The following ZNF827 variants were observed in gnomAD, a reference collection of about 807,000 sequenced individuals.
ZNF827 encodes zinc finger protein 827.
In ZNF827, 13 loss-of-function variants were observed where a neutral mutation model predicts 102.4. The ratio of observed to expected loss-of-function variants is 0.13; its 90% confidence interval spans 0.08 to 0.20. The LOEUF (loss-of-function observed/expected upper bound fraction) is 0.20, where lower values mean the gene tolerates loss of function less well. ZNF827 is among the 10% of genes least tolerant of loss of function. The pLI, the probability that ZNF827 is intolerant of heterozygous loss-of-function variation, is 1.00. For missense variants in ZNF827, 1,103 were observed against 1,344.4 expected (o/e 0.82, Z 2.81); for synonymous variants, 523 against 536.2 (o/e 0.98, Z 0.34).
intron 1 of ZNF827, among the ~76,000 whole-genome samples, chr4:145,910,300 G>T (rs1178825958): frequency 1.3e-5 from 2 of 152,160 alleles, no homozygotes; most frequent in Admixed American, 6.5e-5. Context: ...GTCAGTTTCA[G>T]TATTCTTCAT....
intron 8 of ZNF827, among the ~76,000 whole-genome samples, chr4:145,798,502 C>T (rs958794820): frequency 6.6e-6 from 1 of 152,076 alleles, no homozygotes; most frequent in African/African-American, 2.4e-5. Flanking sequence ...CTCGTCTCCA[C>T]TAAAAATACA....
chr4:145,927,892 G>A (rs1753547024), intron 1 of ZNF827, among the ~76,000 whole-genome samples: 1 of 152,216 alleles, frequency 6.6e-6, no homozygotes, highest in Non-Finnish European at 1.5e-5. Flanking sequence ...GTAATGTACT[G>A]TTTTCCGTTT....
chr4:145,878,807 G>A (rs1749415372), intron 4 of ZNF827, among the ~76,000 whole-genome samples: 1 of 151,916 alleles, frequency 6.6e-6, no homozygotes, highest in Admixed American at 6.6e-5. Context: ...GAGCTAGCCA[G>A]ACAGGAGCAT....
At chr4:145,871,906 T>C (rs1214112686) in intron 4 of ZNF827, among the ~76,000 whole-genome samples, 1 of 152,138 alleles carries the variant, frequency 6.6e-6, no homozygotes, top group African/African-American at 2.4e-5. Flanking sequence ...AGAACCTAAG[T>C]CCATGGGCTT....
At chr4:145,850,909 G>A (rs1746464974) in intron 5 of ZNF827, among the ~76,000 whole-genome samples, 1 of 152,296 alleles carries the variant, frequency 6.6e-6, no homozygotes, top group South Asian at 2.1e-4. Context: ...AAAGGTCCTT[G>A]CAGATGTGAT....
intron 4 of ZNF827, among the ~76,000 whole-genome samples, chr4:145,874,267 G>A (rs572826451): frequency 5.3e-5 from 8 of 152,200 alleles, no homozygotes; most frequent in Admixed American, 3.3e-4. Context: ...CATTTGCAAG[G>A]CACTACATAC....
chr4:145,816,831 A>G lies in ZNF827; in HGVS notation c.2383+6591T>C, dbSNP rs878451. Among the ~76,000 whole-genome samples the G allele has an allele frequency of 3.3e-5, 5 of 152,070 alleles. No homozygotes were observed. In the South Asian group the frequency reaches 1.0e-3, roughly 32 times the overall value. On this transcript the variant is annotated intron_variant, in intron 8 of 14. Transcript: ENST00000508784. ...TTTTGGATTTGAAATGCAACAGGAGAAGATATATCAACCTACATGTCATTA... is the reference window on the plus strand; with the variant it reads ...TTTTGGATTTGAAATGCAACAGGAGGAGATATATCAACCTACATGTCATTA...
intron 5 of ZNF827, among the ~76,000 whole-genome samples, chr4:145,855,787 A>T (rs1747036886): frequency 6.6e-6 from 1 of 152,228 alleles, no homozygotes; most frequent in Admixed American, 6.5e-5. Context: ...GAAGTGAAGC[A>T]GCCTCGGGCC....
chr4:145,780,900 A>T lies in ZNF827; in HGVS notation c.2384-1389T>A, dbSNP rs1050449882. ...GGTAAGAACTTCTCCTAATCCACGCAGATGAAAATGCTCACGCTGGGTGCA... is the reference window on the plus strand; with the variant it reads ...GGTAAGAACTTCTCCTAATCCACGCTGATGAAAATGCTCACGCTGGGTGCA... On this transcript the variant is annotated intron_variant, in intron 8 of 14. Transcript: ENST00000508784. 3.9e-5 allele frequency among the ~76,000 whole-genome samples: 6 copies of T among 152,268 alleles called. No individual in the cohort carries two copies. In the South Asian group the frequency reaches 1.2e-3, roughly 31 times the overall value.
chr4:145,872,397 G>A (rs191879995), intron 4 of ZNF827, among the ~76,000 whole-genome samples: 77 of 152,246 alleles, frequency 5.1e-4, no homozygotes, highest in African/African-American at 1.7e-3. Context: ...GAAGGCGGCC[G>A]TCTGCAAAAC....
intron 2 of ZNF827, among the ~76,000 whole-genome samples, chr4:145,899,349 G>T (rs919209130): frequency 6.6e-6 from 1 of 152,142 alleles, no homozygotes; most frequent in Non-Finnish European, 1.5e-5. Context: ...GGAGGGTAGA[G>T]GGGACAGATG....
chr4:145,934,786 A>C (rs1754042361), intron 1 of ZNF827, among the ~76,000 whole-genome samples: 1 of 152,236 alleles, frequency 6.6e-6, no homozygotes, highest in Admixed American at 6.5e-5. Context: ...AGAGTCTATA[A>C]GTAGCAATGC....
chr4:145,776,197 C>G (rs1025953584), intron 9 of ZNF827, among the ~76,000 whole-genome samples: 18 of 152,244 alleles, frequency 1.2e-4, no homozygotes, highest in Admixed American at 2.0e-4. Flanking sequence ...TGGCTCACAC[C>G]TGTAATTCTA....
At chr4:145,811,102 G>A (rs549710852) in intron 8 of ZNF827, among the ~76,000 whole-genome samples, 2 of 150,846 alleles carry the variant, frequency 1.3e-5, no homozygotes, top group South Asian at 2.1e-4. Flanking sequence ...AGTGATTCTC[G>A]TACCTCAGCC....
intron 8 of ZNF827, among the ~76,000 whole-genome samples, chr4:145,802,803 C>A (rs1220771693): frequency 6.6e-6 from 1 of 152,092 alleles, no homozygotes. Context: ...GTTAGCTAGA[C>A]AAGGTGGTAT....
In ZNF827 at chr4:145,805,971, C is replaced by T. The variant is rs79951729; in HGVS notation, c.2383+17451G>A. Among the ~76,000 whole-genome samples the T allele has an allele frequency of 2.8e-4, 42 of 151,978 alleles. No homozygotes were observed. In the East Asian group the frequency reaches 7.9e-3, roughly 29 times the overall value. Reference sequence around the variant, plus strand: ...GACCCCTTCCCAAACCCCCTCTTTCCCTTGCTTATTTTTTTTCATGATGTT... The same window carrying T: ...GACCCCTTCCCAAACCCCCTCTTTCTCTTGCTTATTTTTTTTCATGATGTT... On this transcript the variant is annotated intron_variant, in intron 8 of 14. Transcript: ENST00000508784.
At chr4:145,844,360 C>T (rs1442091309) in intron 7 of ZNF827, among the ~76,000 whole-genome samples, 4 of 151,690 alleles carry the variant, frequency 2.6e-5, no homozygotes, top group Non-Finnish European at 5.9e-5. Context: ...TCTATTAGAA[C>T]GAGGTTCCTC....
In ZNF827 at chr4:145,765,828, T is replaced by A; in HGVS notation, c.2861-90A>T. On this transcript the variant is annotated intron_variant, in intron 11 of 14. Transcript: ENST00000508784. This position sits in a 1 kb window ranked among gnomAD's most constrained non-coding sequence, Gnocchi z 4.7. ...AGGGTGACGAGTTGAGTCTCATGGA[T>A]GCATCATCATTCTGGGGGCACAGGC... is the stretch of plus-strand genomic sequence containing the variant. 1 of 1,330,392 alleles carries A rather than the reference T, an allele frequency of 7.5e-7. No individual in the cohort carries two copies. Among genetic ancestry groups the A allele is most frequent in the Non-Finnish European group, 1.0e-6 (1 of 970,088 alleles). 82.4% of individuals were successfully genotyped at this position (1,330,392 alleles called of 1,614,324 possible). A position where few individuals can be genotyped will look rare whatever the true frequency, so the allele number is the denominator to read the frequency against.
chr4:145,933,787 G>GAAA (rs113838687), intron 1 of ZNF827, among the ~76,000 whole-genome samples: 4 of 141,564 alleles, frequency 2.8e-5, no homozygotes, highest in Admixed American at 7.1e-5. Context: ...CACCAATGGT[G>GAAA]AAAAAAAAAA....
Sources: allele counts gnomAD v4.1 joint callset (sites outside exome capture counted in the v4.1 genomes callset), GRCh38; gene constraint gnomAD v4.1.1; non-coding constraint Gnocchi (gnomAD v3.1); transcripts MANE v1.5; gene names NCBI Gene and HGNC (gene_info 2026-07-23, HGNC 2026-07-21).